CDKN2A: variants seen among roughly 807,000 people sequenced by gnomAD.
The protein encoded by CDKN2A is cyclin dependent kinase inhibitor 2A.
A neutral mutation model predicts 11.1 loss-of-function variants in CDKN2A; 3 were observed. That is an observed-to-expected ratio of 0.27 (90% CI 0.12 to 0.70). The LOEUF (loss-of-function observed/expected upper bound fraction) is 0.70. Among genes scored for constraint, CDKN2A ranks in the 30% least tolerant of loss-of-function variants. The probability of loss-of-function intolerance (pLI) is 0.77; values close to 1 mark genes in which losing one functional copy is unlikely to be tolerated. For missense variants in CDKN2A, 265 were observed against 233.6 expected (o/e 1.13, Z -0.88); for synonymous variants, 122 against 108.1 (o/e 1.13, Z -0.80).
intron 2 of CDKN2A, among the ~76,000 whole-genome samples, chr9:21,982,544 G>T (rs1209962931): frequency 2.6e-5 from 4 of 151,888 alleles, no homozygotes; most frequent in Non-Finnish European, 5.9e-5. Flanking sequence ...TATTTGATCA[G>T]CTGAGAACAC....
At chr9:21,981,373 T>A (rs1820195187) in intron 2 of CDKN2A, among the ~76,000 whole-genome samples, 1 of 151,376 alleles carries the variant, frequency 6.6e-6, no homozygotes, top group Non-Finnish European at 1.5e-5. Context: ...AAAGCTCCCA[T>A]AATTAAAGAG....
chr9:21,974,836 C>A lies in CDKN2A; in HGVS notation c.-9G>T, dbSNP rs2131114397. On this transcript the variant is annotated 5_prime_UTR_variant, in exon 1 of 3. Transcript: ENST00000304494. This position sits in a 1 kb window ranked among gnomAD's most constrained non-coding sequence, Gnocchi z 5.2. ...CCCGCCGCCGGCTCCATGCTGCTCC[C>A]CGCCGCCCGCTGCCTGCTCTCCCCC... The A allele has an allele frequency of 6.3e-7, 1 of 1,575,018 alleles. No homozygotes were observed. Among genetic ancestry groups the A allele is most frequent in the Non-Finnish European group, 8.6e-7 (1 of 1,165,676 alleles).
chr9:21,974,861 C>G (rs1800586), upstream of CDKN2A: 67 of 1,509,518 alleles, frequency 4.4e-5, no homozygotes, highest in African/African-American at 6.8e-4. The surrounding 1 kb of genome is among the most constrained non-coding windows in gnomAD (Gnocchi z 5.2). Flanking sequence ...TGCTCTCCCC[C>G]TCTCCGCAGC....
At chr9:21,989,839 T>C (rs1212554483) in intron 2 of CDKN2A, 2 of 152,198 alleles carry the variant, frequency 1.3e-5, no homozygotes, top group African/African-American at 4.8e-5. Context: ...TGATAACGGA[T>C]CACATCGCTC....
intron 2 of CDKN2A, among the ~76,000 whole-genome samples, chr9:21,990,652 A>AGAGAGAGAG (rs1228678360): frequency 4.0e-5 from 1 of 24,840 alleles, no homozygotes; most frequent in Non-Finnish European, 1.0e-4. Context: ...GAGAGAGAGA[A>AGAGAGAGAG]ACTGTTTACT....
intron 2 of CDKN2A, among the ~76,000 whole-genome samples, chr9:21,986,825 A>G (rs1218593260): frequency 4.6e-5 from 7 of 152,076 alleles, no homozygotes; most frequent in African/African-American, 1.7e-4. Context: ...AATTGCATGG[A>G]GTAAAATTCA....
upstream of CDKN2A, among the ~76,000 whole-genome samples, chr9:21,976,603 C>A (rs891681774): frequency 6.6e-6 from 1 of 151,152 alleles, no homozygotes. Flanking sequence ...GTAATCCCAG[C>A]TACTCGGAGG....
In CDKN2A at chr9:21,971,058, C is replaced by G. The variant is rs104894094; in HGVS notation, c.301G>C (p.Gly101Arg). 4.4e-6 allele frequency: 7 copies of G among 1,605,328 alleles called. No homozygotes were observed. In the South Asian group the frequency reaches 4.4e-5, roughly 10 times the overall value. Residue 101 changes from glycine to arginine, a missense_variant, in exon 2 of 3, where the codon GGG becomes CGG. Gly to Arg is a moderately radical substitution (Grantham distance 125, BLOSUM62 -2). Transcript: ENST00000304494. Reference sequence around the variant, plus strand: ...GCATCGCGCACGTCCAGCCGCGCCCCGGCCCGGTGCAGCACCACCAGCGTG... The same window carrying G: ...GCATCGCGCACGTCCAGCCGCGCCCGGGCCCGGTGCAGCACCACCAGCGTG... ...LDTLVVLHRA[G>R]ARLDVRDAWG... is the part of the protein sequence containing the mutation.
In CDKN2A at chr9:21,991,908, T is replaced by C; in HGVS notation, c.-4+1974A>G. 1 of 985,276 alleles carries C rather than the reference T, an allele frequency of 1.0e-6. No individual in the cohort carries two copies. Among genetic ancestry groups the C allele is most frequent in the Non-Finnish European group, 1.2e-6 (1 of 829,796 alleles). 61.0% of individuals were successfully genotyped at this position (985,276 alleles called of 1,614,324 possible). Reference sequence around the variant, plus strand: ...CTTACCTTGAGAGGACTCTGTGCTATTAAAGAAAAAAATAACCTGAGCCTT... The same window carrying C: ...CTTACCTTGAGAGGACTCTGTGCTACTAAAGAAAAAAATAACCTGAGCCTT... On this transcript the variant is annotated intron_variant, in intron 2 of 3. Transcript: ENST00000494262. This position sits in a 1 kb window ranked among gnomAD's most constrained non-coding sequence, Gnocchi z 5.2.
intron 1 of CDKN2A, among the ~76,000 whole-genome samples, chr9:21,973,971 A>G (rs1587337672): frequency 6.6e-6 from 1 of 151,958 alleles, no homozygotes; most frequent in African/African-American, 2.4e-5. Flanking sequence ...GTTCACTACA[A>G]CCTCAGCCTC....
Position 21,973,768 on chromosome 9 carries a change from T to C in CDKN2A, c.150+910A>G, listed in dbSNP as rs3731241. On this transcript the variant is annotated intron_variant, in intron 1 of 2. Transcript: ENST00000304494. ...TGGTAACTACATATTACCTCTGGAA[T>C]GATCACATGAATGTGGCTCATTATT... is the stretch of plus-strand genomic sequence containing the variant. Among the ~76,000 whole-genome samples, 374 of 152,372 alleles carry C rather than the reference T, an allele frequency of 2.5e-3. 1 individual carries two copies. Among genetic ancestry groups the C allele is most frequent in the African/African-American group, 8.6e-3 (359 of 41,594 alleles).
In CDKN2A at chr9:21,981,542, C is replaced by T. The variant is rs183742263; in HGVS notation, c.-3-10334G>A. ...AAGGCAATGGAGGAATAATTCCATG[C>T]ATCCCTTTAATTTAGAAAAGCAATA... is the stretch of plus-strand genomic sequence containing the variant. On this transcript the variant is annotated intron_variant, in intron 2 of 3. Coordinates refer to the CDKN2A transcript ENST00000494262. Among the ~76,000 whole-genome samples, 19 of 151,998 alleles carry T rather than the reference C, an allele frequency of 1.3e-4. 3 individuals carry two copies. The highest frequency in any genetic ancestry group is 3.6e-4 in the African/African-American group (15 of 41,462).
chr9:21,980,535 A>G, intron 2 of CDKN2A, among the ~76,000 whole-genome samples: 1 of 152,214 alleles, frequency 6.6e-6, no homozygotes, highest in Non-Finnish European at 1.5e-5. Flanking sequence ...TAGAATCATC[A>G]TTCATAACTT....
intron 2 of CDKN2A, among the ~76,000 whole-genome samples, chr9:21,984,029 CG>C (rs1187815839): frequency 1.3e-5 from 2 of 151,942 alleles, no homozygotes; most frequent in Admixed American, 6.5e-5. Context: ...TCCGGGTGCA[CG>C]GTAGGCTCTC....
chr9:21,979,182 A>G (rs938884792), upstream of CDKN2A, among the ~76,000 whole-genome samples: 2 of 152,266 alleles, frequency 1.3e-5, no homozygotes, highest in African/African-American at 4.8e-5. Context: ...GCAAAGGCAT[A>G]GAAGTTTAGG....
chr9:21,974,949 G>T, upstream of CDKN2A: 1 of 1,421,906 alleles, frequency 7.0e-7, no homozygotes, highest in Non-Finnish European at 9.1e-7. The surrounding 1 kb of genome is among the most constrained non-coding windows in gnomAD (Gnocchi z 5.2). Flanking sequence ...GCTGGCGGAA[G>T]AGCCCCCTCC....
At chr9:21,981,507 T>C (rs1404636544) in intron 2 of CDKN2A, among the ~76,000 whole-genome samples, 1 of 152,062 alleles carries the variant, frequency 6.6e-6, no homozygotes, top group African/African-American at 2.4e-5. Flanking sequence ...TAGATAATTA[T>C]TTGAAGGCAA....
intron 2 of CDKN2A, among the ~76,000 whole-genome samples, chr9:21,981,019 T>C (rs150277060): frequency 0.063 from 329 of 5,194 alleles, 109 homozygotes; most frequent in African/African-American, 0.23. Flanking sequence ...TATATATATA[T>C]ACGTGTATAT....
intron 2 of CDKN2A, among the ~76,000 whole-genome samples, chr9:21,969,255 G>A (rs1034695914): frequency 6.6e-6 from 1 of 152,110 alleles, no homozygotes; most frequent in African/African-American, 2.4e-5. Flanking sequence ...AGGCGTCGTG[G>A]CGTGCACCTG....
Sources: allele counts gnomAD v4.1 joint callset (sites outside exome capture counted in the v4.1 genomes callset), GRCh38; gene constraint gnomAD v4.1.1; non-coding constraint Gnocchi (gnomAD v3.1); transcripts MANE v1.5; gene names NCBI Gene and HGNC (gene_info 2026-07-23, HGNC 2026-07-21).